The following PHF14 variants were observed in gnomAD, a reference collection of about 807,000 sequenced individuals.
PHF14 encodes the protein PHD finger protein 14.
Under a neutral mutation model 117.9 loss-of-function variants are expected in PHF14, and 55 were observed. That is an observed-to-expected ratio of 0.47 (90% CI 0.38 to 0.58). The LOEUF (loss-of-function observed/expected upper bound fraction) is 0.58. Ranked by LOEUF, PHF14 falls within the 20% of genes least tolerant of loss-of-function variation. The probability of loss-of-function intolerance (pLI) is 0.00; values close to 1 mark genes in which losing one functional copy is unlikely to be tolerated. For missense variants in PHF14, 978 were observed against 1,122.2 expected (o/e 0.87, Z 1.84); for synonymous variants, 409 against 368.6 (o/e 1.11, Z -1.26).
rs1782077100 is a variant in PHF14 at position 10,982,546 on chromosome 7, TAATTAA to T, written c.291_296del (p.Ile97_Lys98del). 6.6e-7 allele frequency: 1 copy of T among 1,516,558 alleles called. No homozygotes were observed. Among genetic ancestry groups the T allele is most frequent in the African/African-American group, 1.4e-5 (1 of 70,536 alleles). 93.9% of individuals were successfully genotyped at this position (1,516,558 alleles called of 1,614,324 possible). A position where few individuals can be genotyped will look rare whatever the true frequency, so the allele number is the denominator to read the frequency against. ...GAAGTACTATCATCAGAAAAACAAT[TAATTAA>T]AATGGAAAAGAAGGAAGAAGAAGAA... On this transcript the variant is annotated inframe_deletion, in exon 3 of 18. Transcript: ENST00000634607.
At chr7:11,168,561 C>T (rs778528031) in intron 17 of PHF14, among the ~76,000 whole-genome samples, 11 of 152,050 alleles carry the variant, frequency 7.2e-5, no homozygotes, top group Non-Finnish European at 4.4e-5. Context: ...TTACTGTTGT[C>T]TAGAAATACT....
At chr7:11,140,731 G>C (rs1788375880) in intron 17 of PHF14, among the ~76,000 whole-genome samples, 1 of 152,038 alleles carries the variant, frequency 6.6e-6, no homozygotes. Context: ...CAAATAATAG[G>C]ATTGAAATTT....
At chr7:11,004,161 C>T (rs922379835) in intron 4 of PHF14, among the ~76,000 whole-genome samples, 1 of 147,682 alleles carries the variant, frequency 6.8e-6, no homozygotes, top group East Asian at 2.0e-4. Context: ...GGCAGAGGAT[C>T]GCTTGAGCCA....
intron 4 of PHF14, among the ~76,000 whole-genome samples, chr7:11,010,693 C>T (rs996036911): frequency 2.0e-5 from 3 of 151,830 alleles, no homozygotes; most frequent in South Asian, 4.1e-4. Flanking sequence ...TTTTTTGAGA[C>T]GAGATTTTGC....
chr7:11,163,750 G>A (rs958251443), intron 17 of PHF14, among the ~76,000 whole-genome samples: 2 of 152,062 alleles, frequency 1.3e-5, no homozygotes, highest in Non-Finnish European at 2.9e-5. Flanking sequence ...TTTCTTCATT[G>A]TGCAGCACTA....
intron 17 of PHF14, among the ~76,000 whole-genome samples, chr7:11,158,741 C>G (rs1005406688): frequency 6.6e-6 from 1 of 151,936 alleles, no homozygotes; most frequent in African/African-American, 2.4e-5. Context: ...CTTGATGTCT[C>G]TAAGGAGAAA....
chr7:11,085,798 T>G (rs2128337467), intron 16 of PHF14, among the ~76,000 whole-genome samples: 1 of 152,218 alleles, frequency 6.6e-6, no homozygotes, highest in South Asian at 2.1e-4. Context: ...GGTTCAGTCC[T>G]TCCACCTTGG....
At chr7:11,047,317 C>T (rs1784703262) in intron 13 of PHF14, among the ~76,000 whole-genome samples, 1 of 151,942 alleles carries the variant, frequency 6.6e-6, no homozygotes, top group African/African-American at 2.4e-5. Flanking sequence ...ATCCGCCTGC[C>T]TTGGCCTCCC....
intron 17 of PHF14, among the ~76,000 whole-genome samples, chr7:11,134,512 G>C (rs1788164739): frequency 6.6e-6 from 1 of 151,958 alleles, no homozygotes; most frequent in Admixed American, 6.6e-5. Flanking sequence ...ACAGCCACTT[G>C]TATGGTTAAA....
At chr7:11,122,352 T>TATATATATATATATATATATATATATAC in intron 17 of PHF14, among the ~76,000 whole-genome samples, 8 of 65,862 alleles carry the variant, frequency 1.2e-4, no homozygotes, top group African/African-American at 2.2e-4. Flanking sequence ...TATATATATA[T>TATATATATATATATATATATATATATAC]ACACACACAC....
chr7:11,001,090 T>C (rs1782856518), intron 4 of PHF14, among the ~76,000 whole-genome samples: 1 of 152,166 alleles, frequency 6.6e-6, no homozygotes, highest in Admixed American at 6.5e-5. Flanking sequence ...ACGGTCTGTC[T>C]CGGAATTCAT....
At chr7:11,018,097 C>G (rs1303706943) in intron 5 of PHF14, among the ~76,000 whole-genome samples, 1 of 152,044 alleles carries the variant, frequency 6.6e-6, no homozygotes. Flanking sequence ...TTTCTGAGTT[C>G]TGTATTTTGT....
At chr7:11,101,566 TTTCACATTGTA>T (rs1787094263) in intron 16 of PHF14, among the ~76,000 whole-genome samples, 2 of 152,032 alleles carry the variant, frequency 1.3e-5, no homozygotes, top group South Asian at 4.1e-4. Context: ...GAAAATTATG[TTTCACATTGTA>T]TTCTTTTGTG....
intron 16 of PHF14, chr7:11,106,973 T>A: frequency 1.0e-6 from 1 of 983,736 alleles, no homozygotes; most frequent in Non-Finnish European, 1.2e-6. Context: ...AAAATGTACA[T>A]CCTTGTTCAA....
chr7:11,070,556 C>G (rs947935779), intron 16 of PHF14, among the ~76,000 whole-genome samples: 6 of 152,212 alleles, frequency 3.9e-5, no homozygotes, highest in Admixed American at 2.6e-4. Flanking sequence ...CTTCTTCCTT[C>G]TAAGCCTACA....
chr7:11,089,426 C>A (rs1304322000), intron 16 of PHF14, among the ~76,000 whole-genome samples: 1 of 152,136 alleles, frequency 6.6e-6, no homozygotes. Context: ...CATGGTGGCT[C>A]ATACCTGTAA....
At chr7:11,102,354 ATCTATC>A in intron 16 of PHF14, 1 of 879,822 alleles carries the variant, frequency 1.1e-6, no homozygotes, top group Non-Finnish European at 1.8e-6. Flanking sequence ...GGTTTAGAGT[ATCTATC>A]TCTTTGGACC....
chr7:11,110,713 C>A (rs1473066735), intron 16 of PHF14, among the ~76,000 whole-genome samples: 1 of 151,872 alleles, frequency 6.6e-6, no homozygotes, highest in African/African-American at 2.4e-5. Context: ...TAGTGTCTTA[C>A]CTCTTTGTAT....
intron 13 of PHF14, among the ~76,000 whole-genome samples, chr7:11,044,970 C>G (rs778017098): frequency 3.3e-5 from 5 of 152,134 alleles, no homozygotes; most frequent in Non-Finnish European, 7.4e-5. Context: ...TGTCAGTGCT[C>G]AAAAAACATT....
Sources: allele counts gnomAD v4.1 joint callset (sites outside exome capture counted in the v4.1 genomes callset), GRCh38; gene constraint gnomAD v4.1.1; transcripts MANE v1.5; gene names NCBI Gene and HGNC (gene_info 2026-07-23, HGNC 2026-07-21).